The following RALYL variants were observed in gnomAD, a reference collection of about 807,000 sequenced individuals.
RALYL encodes the protein RALY RNA binding protein like.
A neutral mutation model predicts 35.1 loss-of-function variants in RALYL; 29 were observed. That is an observed-to-expected ratio of 0.83 (90% CI 0.61 to 1.13). The LOEUF (loss-of-function observed/expected upper bound fraction) is 1.13, where lower values mean the gene tolerates loss of function less well. RALYL is among the 50% of genes most tolerant of loss of function. The pLI, the probability that RALYL is intolerant of heterozygous loss-of-function variation, is 0.00. For missense variants in RALYL, 359 were observed against 360.4 expected (o/e 1.00, Z 0.03); for synonymous variants, 120 against 127.6 (o/e 0.94, Z 0.40).
At chr8:84,782,764 C>T (rs543759779) in intron 3 of RALYL, among the ~76,000 whole-genome samples, 19 of 152,288 alleles carry the variant, frequency 1.2e-4, no homozygotes, top group Non-Finnish European at 2.2e-4. Flanking sequence ...TAGGTCATTG[C>T]GCAAGTGCTC....
chr8:84,528,302 T>C (rs1260378055), intron 1 of RALYL, among the ~76,000 whole-genome samples: 1 of 151,530 alleles, frequency 6.6e-6, no homozygotes, highest in Non-Finnish European at 1.5e-5. Context: ...CTGTAAATGA[T>C]GCATGACAAA....
intron 1 of RALYL, among the ~76,000 whole-genome samples, chr8:84,285,098 C>A (rs1837339398): frequency 6.6e-6 from 1 of 152,158 alleles, no homozygotes; most frequent in Non-Finnish European, 1.5e-5. Context: ...CTAATAAGTT[C>A]ATTTTTTTCA....
At chr8:84,365,263 T>C (rs1853982760) in intron 1 of RALYL, among the ~76,000 whole-genome samples, 1 of 152,196 alleles carries the variant, frequency 6.6e-6, no homozygotes, top group Non-Finnish European at 1.5e-5. Flanking sequence ...ACCAGTCTTC[T>C]CTTACATATT....
chr8:84,766,235 C>A lies in RALYL; in HGVS notation c.257-8344C>A, dbSNP rs1278805740. Among the ~76,000 whole-genome samples, 3 of 152,096 alleles carry A rather than the reference C, an allele frequency of 2.0e-5. No individual in the cohort carries two copies. The South Asian group carries it at 6.2e-4, about 32-fold the overall frequency. ...ATTTGCTGGATGCTAATAGATATATCGTCCAAAATATCCTAAATTCATGTA... is the reference window on the plus strand; with the variant it reads ...ATTTGCTGGATGCTAATAGATATATAGTCCAAAATATCCTAAATTCATGTA... On this transcript the variant is annotated intron_variant, in intron 2 of 8. Transcript: ENST00000521268.
chr8:84,401,637 CAAAAAAAAAAAAAA>C lies in RALYL; in HGVS notation c.-23-127644_-23-127631del, dbSNP rs71271985. Among the ~76,000 whole-genome samples, 8 of 17,430 alleles carry C rather than the reference CAAAAAAAAAAAAAA, an allele frequency of 4.6e-4. 1 individual carries two copies. Among genetic ancestry groups the C allele is most frequent in the Admixed American group, 1.9e-3 (2 of 1,040 alleles). 11.4% of individuals were successfully genotyped at this position (17,430 alleles called of 152,430 possible). A position where few individuals can be genotyped will look rare whatever the true frequency, so the allele number is the denominator to read the frequency against. On this transcript the variant is annotated intron_variant, in intron 1 of 8. Transcript: ENST00000521268. ...TGGGCGAAAGAGCTAGACTCTGTCT[CAAAAAAAAAAAAAA>C]AAAAAAAAAAAAAAAAAGACCTTAC... is the stretch of plus-strand genomic sequence containing the variant.
At chr8:84,548,717 T>C (rs1364873903) in intron 2 of RALYL, among the ~76,000 whole-genome samples, 2 of 152,210 alleles carry the variant, frequency 1.3e-5, no homozygotes, top group Admixed American at 6.5e-5. Context: ...TTTTAAAATA[T>C]GTCCTTTTAG....
At chr8:84,242,267 G>A (rs1345090003) in intron 1 of RALYL, among the ~76,000 whole-genome samples, 2 of 152,204 alleles carry the variant, frequency 1.3e-5, no homozygotes, top group East Asian at 1.9e-4. Context: ...GGGCATTTGG[G>A]TTGATTCCAT....
At chr8:84,684,787 T>A (rs1053740417) in intron 2 of RALYL, among the ~76,000 whole-genome samples, 2 of 152,206 alleles carry the variant, frequency 1.3e-5, no homozygotes, top group African/African-American at 4.8e-5. Flanking sequence ...CTTACATACA[T>A]GTCAGGGTAC....
intron 1 of RALYL, among the ~76,000 whole-genome samples, chr8:84,247,098 C>T (rs1443701154): frequency 1.3e-5 from 2 of 152,042 alleles, no homozygotes; most frequent in Non-Finnish European, 2.9e-5. Context: ...GGCGATTATC[C>T]AAATCACGAT....
chr8:84,472,244 T>C (rs2052862229), intron 1 of RALYL, among the ~76,000 whole-genome samples: 1 of 152,162 alleles, frequency 6.6e-6, no homozygotes, highest in Admixed American at 6.6e-5. Flanking sequence ...TATGCAAATT[T>C]GTGTGTATAA....
chr8:84,818,822 G>A (rs1827905727), intron 4 of RALYL, among the ~76,000 whole-genome samples: 1 of 152,216 alleles, frequency 6.6e-6, no homozygotes, highest in South Asian at 2.1e-4. Flanking sequence ...GAAAATGCCT[G>A]ATGAAATAGC....
At chr8:84,227,940 A>G (rs563713588) in intron 1 of RALYL, among the ~76,000 whole-genome samples, 9 of 152,268 alleles carry the variant, frequency 5.9e-5, no homozygotes, top group African/African-American at 2.2e-4. Flanking sequence ...TCAGAATTTA[A>G]AAGACACCTT....
intron 1 of RALYL, among the ~76,000 whole-genome samples, chr8:84,189,720 A>T (rs555465522): frequency 1.0e-3 from 151 of 149,132 alleles, no homozygotes; most frequent in Non-Finnish European, 9.4e-4. Flanking sequence ...TGTGGAGATG[A>T]TTTTTTTGTT....
chr8:84,886,139 T>C (rs7836824), intron 7 of RALYL, among the ~76,000 whole-genome samples: 69,611 of 151,920 alleles, frequency 0.46, 18,969 homozygotes, highest in African/African-American at 0.75. Flanking sequence ...CGGCAACCCT[T>C]TACTACTGTC....
chr8:84,578,684 A>T (rs952456803), intron 2 of RALYL, among the ~76,000 whole-genome samples: 1 of 152,248 alleles, frequency 6.6e-6, no homozygotes, highest in African/African-American at 2.4e-5. Flanking sequence ...TGTCCTGACA[A>T]GTCTCCAGCT....
chr8:84,299,468 G>A (rs1418044504), intron 1 of RALYL, among the ~76,000 whole-genome samples: 3 of 151,940 alleles, frequency 2.0e-5, no homozygotes, highest in Non-Finnish European at 4.4e-5. Context: ...GTATCAGGAT[G>A]ATACTGGCCT....
chr8:84,626,832 A>C (rs1014420340), intron 2 of RALYL, among the ~76,000 whole-genome samples: 7 of 152,296 alleles, frequency 4.6e-5, no homozygotes, highest in Non-Finnish European at 8.8e-5. Flanking sequence ...TTAGTCTTCA[A>C]CCTTTAATCA....
At chr8:84,582,553 A>G (rs1811076892) in intron 2 of RALYL, among the ~76,000 whole-genome samples, 1 of 152,050 alleles carries the variant, frequency 6.6e-6, no homozygotes. Context: ...TTTTTTTCAT[A>G]CCACCCACTT....
chr8:84,872,195 T>C (rs137991044), intron 6 of RALYL, among the ~76,000 whole-genome samples: 324 of 152,278 alleles, frequency 2.1e-3, no homozygotes, highest in Non-Finnish European at 3.2e-3. Context: ...GGCTTTAAAA[T>C]CTTTCATCTC....
Sources: gnomAD v4.1 joint callset for allele counts (sites outside exome capture counted in the v4.1 genomes callset) on GRCh38, gnomAD v4.1.1 for gene constraint, MANE v1.5 for transcripts, NCBI Gene and HGNC (gene_info 2026-07-23, HGNC 2026-07-21) for gene names.